ZNF26: variants seen among roughly 807,000 people sequenced by gnomAD.
ZNF26 encodes the protein epididymis luminal protein 179.
In ZNF26, 32 loss-of-function variants were observed where a neutral mutation model predicts 54.9. The observed-to-expected ratio is 0.58, with a 90% confidence interval of 0.44 to 0.78. The LOEUF is 0.78. ZNF26 is among the 30% of genes least tolerant of loss of function. The pLI, the probability that ZNF26 is intolerant of heterozygous loss-of-function variation, is 0.00. For missense variants in ZNF26, 524 were observed against 634.0 expected (o/e 0.83, Z 1.86); for synonymous variants, 221 against 209.2 (o/e 1.06, Z -0.49).
chr12:133,002,810 G>A (rs1469846897), intron 1 of ZNF26, among the ~76,000 whole-genome samples: 2 of 151,804 alleles, frequency 1.3e-5, no homozygotes, highest in Non-Finnish European at 2.9e-5. Context: ...TTTTAATAGA[G>A]ACAGAGTCTC....
chr12:132,998,728 T>C (rs1953146169), intron 1 of ZNF26, among the ~76,000 whole-genome samples: 2 of 152,198 alleles, frequency 1.3e-5, no homozygotes, highest in African/African-American at 4.8e-5. Context: ...AAATCCAACC[T>C]AAATTTCTCA....
chr12:132,988,730 G>A (rs1952881858), intron 1 of ZNF26, among the ~76,000 whole-genome samples: 1 of 152,188 alleles, frequency 6.6e-6, no homozygotes, highest in Non-Finnish European at 1.5e-5. Context: ...AAGAGCTGAA[G>A]TCTTGAATAT....
rs950467722 is a variant in ZNF26 at position 133,022,071 on chromosome 12, T to G, written c.*10590T>G. 27 of 151,636 alleles carry G rather than the reference T, an allele frequency of 1.8e-4. No homozygotes were observed. Among genetic ancestry groups the G allele is most frequent in the African/African-American group, 6.5e-4 (27 of 41,380 alleles). 9.4% of individuals were successfully genotyped at this position (151,636 alleles called of 1,614,324 possible). ...CCCTGTTTACCAAAAATACAAAAAT[T>G]AGCCAGGGTGGTGACGTGCACCTGT... is the stretch of plus-strand genomic sequence containing the variant. On this transcript the variant is annotated 3_prime_UTR_variant, in exon 4 of 4. Transcript: ENST00000328654.
At chr12:132,988,941 T>C (rs1400194941) in intron 1 of ZNF26, among the ~76,000 whole-genome samples, 2 of 152,042 alleles carry the variant, frequency 1.3e-5, no homozygotes, top group Admixed American at 1.3e-4. Context: ...CTTACACCTG[T>C]GTACAGGAAA....
rs1183300344 is a variant in ZNF26 at position 133,025,260 on chromosome 12, C to T, written c.*13779C>T. 1 of 152,180 alleles carries T rather than the reference C, an allele frequency of 6.6e-6. No homozygotes were observed. The highest frequency in any genetic ancestry group is 2.4e-5 in the African/African-American group (1 of 41,436). The allele number at this position is 152,180 out of a possible 1,614,324, so 9.4% of individuals were successfully genotyped here. A position where few individuals can be genotyped will look rare whatever the true frequency, so the allele number is the denominator to read the frequency against. ...TCTGTGTCTGCCCCACTGTTACGTT[C>T]TGGGTGTGTAAGATGAAAATAACTT... On this transcript the variant is annotated 3_prime_UTR_variant, in exon 4 of 4. Transcript: ENST00000328654.
intron 1 of ZNF26, among the ~76,000 whole-genome samples, chr12:133,003,777 C>G (rs889421697): frequency 3.2e-4 from 49 of 152,272 alleles, no homozygotes; most frequent in African/African-American, 7.2e-5. Flanking sequence ...GAAAAGCCAT[C>G]TAGCATAGAA....
chr12:132,989,005 T>C (rs911324910), intron 1 of ZNF26, among the ~76,000 whole-genome samples: 1 of 151,232 alleles, frequency 6.6e-6, no homozygotes, highest in Non-Finnish European at 1.5e-5. Flanking sequence ...TATAATCATG[T>C]AGTTCCAGGA....
chr12:132,986,815 G>T lies in ZNF26; in HGVS notation c.-26G>T. 5 of 1,597,498 alleles carry T rather than the reference G, an allele frequency of 3.1e-6. No homozygotes were observed. The highest frequency in any genetic ancestry group is 4.3e-6 in the Non-Finnish European group (5 of 1,172,018). On this transcript the variant is annotated 5_prime_UTR_variant, in exon 1 of 4. In the 5' UTR this introduces an upstream ATG that the reference lacks. Transcript: ENST00000328654. ...GCAGCCCGCGGGTCCTGCCCCCGCA[G>T]GCAGCGCGCGAACGTGGGCGTGGGG... is the stretch of plus-strand genomic sequence containing the variant.
chr12:133,023,392 T>G lies in ZNF26; in HGVS notation c.*11911T>G, dbSNP rs1046112743. ...TTGATTATCATTATGTAAGCAGTATTAGAGAATTTTTAAAATATAGATTAC... is the reference window on the plus strand; with the variant it reads ...TTGATTATCATTATGTAAGCAGTATGAGAGAATTTTTAAAATATAGATTAC... On this transcript the variant is annotated 3_prime_UTR_variant, in exon 4 of 4. Coordinates refer to ENST00000328654, the MANE Select transcript of ZNF26 (RefSeq NM_019591.4). The G allele has an allele frequency of 2.6e-5, 4 of 152,354 alleles. No homozygotes were observed. The highest frequency in any genetic ancestry group is 2.6e-4 in the Admixed American group (4 of 15,308). 9.4% of individuals were successfully genotyped at this position (152,354 alleles called of 1,614,324 possible).
At position 133,018,553 on chromosome 12, in the gene ZNF26, TAAGAC is replaced by T. The variant is rs1423226541; in HGVS notation, c.*7075_*7079del. The T allele has an allele frequency of 1.3e-5, 2 of 152,156 alleles. No individual in the cohort carries two copies. The highest frequency in any genetic ancestry group is 2.9e-5 in the Non-Finnish European group (2 of 68,026). 9.4% of individuals were successfully genotyped at this position (152,156 alleles called of 1,614,324 possible). A position where few individuals can be genotyped will look rare whatever the true frequency, so the allele number is the denominator to read the frequency against. On this transcript the variant is annotated 3_prime_UTR_variant, in exon 4 of 4. Coordinates refer to ENST00000328654, the MANE Select transcript of ZNF26 (RefSeq NM_019591.4). ...AATATTACATTACAAAATATGCACT[TAAGAC>T]AAAAGTGAAGGAGAAATAGATGAAC...
Position 133,016,913 on chromosome 12 carries a change from C to T in ZNF26, c.*5432C>T, listed in dbSNP as rs1953574818. On this transcript the variant is annotated 3_prime_UTR_variant, in exon 4 of 4. Transcript: ENST00000328654. ...ATTGAGTTGCCCTTTTCCAATTTTA[C>T]ATGCTTAGGTTGACTTCTCAATAGC... 6.6e-6 allele frequency: 1 copy of T among 152,046 alleles called. No individual in the cohort carries two copies. The highest frequency in any genetic ancestry group is 1.5e-5 in the Non-Finnish European group (1 of 68,010). 9.4% of individuals were successfully genotyped at this position (152,046 alleles called of 1,614,324 possible). A position where few individuals can be genotyped will look rare whatever the true frequency, so the allele number is the denominator to read the frequency against.
Position 133,010,151 on chromosome 12 carries a change from G to A in ZNF26, c.272G>A (p.Trp91Ter). 1 of 1,582,302 alleles carries A rather than the reference G, an allele frequency of 6.3e-7. No homozygotes were observed. The highest frequency in any genetic ancestry group is 8.5e-7 in the Non-Finnish European group (1 of 1,170,650). The change falls in exon 4 of 4, where the codon TGG becomes TAG. Residue 91 changes from tryptophan to a stop codon, truncating the protein, a stop_gained. Transcript: ENST00000328654. LOFTEE classifies it high-confidence loss of function. ...RQSCPDGWEE[W>*]YQNNQDELES... ...TTTTTTGTAGATGGCTGGGAAGAAT[G>A]GTACCAGAACAATCAAGATGAGCTT...
rs1953697337 is a variant in ZNF26 at position 133,025,957 on chromosome 12, TCA to T, written c.*14483_*14484del. On this transcript the variant is annotated 3_prime_UTR_variant, in exon 4 of 4. Transcript: ENST00000328654. ...CTGCAGTAAGAAAGCCCAAACTAGCTCACACACAGACTACATCAAGAGTGAGA... is the reference window on the plus strand; with the variant it reads ...CTGCAGTAAGAAAGCCCAAACTAGCTCACACAGACTACATCAAGAGTGAGA... 6.6e-6 allele frequency: 1 copy of T among 152,552 alleles called. No homozygotes were observed. The highest frequency in any genetic ancestry group is 6.5e-5 in the Admixed American group (1 of 15,276). 9.4% of individuals were successfully genotyped at this position (152,552 alleles called of 1,614,324 possible). A position where few individuals can be genotyped will look rare whatever the true frequency, so the allele number is the denominator to read the frequency against.
rs1169141231 is a variant in ZNF26, at chr12:133,016,780, C to CA, written c.*5314dup. On this transcript the variant is annotated 3_prime_UTR_variant, in exon 4 of 4. Transcript: ENST00000328654. ...TGGGTGACAGAGCAAGACCTTGACT[C>CA]AAAAAAAAAAAAAAATTCTACTCTC... 0.033 allele frequency: 4,156 copies of CA among 127,770 alleles called. 163 individuals carry two copies. Among genetic ancestry groups the CA allele is most frequent in the African/African-American group, 0.099 (3,472 of 35,154 alleles). 7.9% of individuals were successfully genotyped at this position (127,770 alleles called of 1,614,324 possible).
At position 133,024,177 on chromosome 12, in the gene ZNF26, G is replaced by T. The variant is rs956487954; in HGVS notation, c.*12696G>T. ...GGGGTTCTACTTACATGCATCACTGGCCTTGGCACTGGATGATGAGCAGAA... is the reference window on the plus strand; with the variant it reads ...GGGGTTCTACTTACATGCATCACTGTCCTTGGCACTGGATGATGAGCAGAA... On this transcript the variant is annotated 3_prime_UTR_variant, in exon 4 of 4. Transcript: ENST00000328654. 2.0e-5 allele frequency: 3 copies of T among 152,232 alleles called. No homozygotes were observed. The highest frequency in any genetic ancestry group is 4.4e-5 in the Non-Finnish European group (3 of 68,054). 9.4% of individuals were successfully genotyped at this position (152,232 alleles called of 1,614,324 possible).
rs1487874781 is a variant in ZNF26, at chr12:133,019,188, T to C, written c.*7707T>C. 2 of 152,058 alleles carry C rather than the reference T, an allele frequency of 1.3e-5. No individual in the cohort carries two copies. The highest frequency in any genetic ancestry group is 1.3e-4 in the Admixed American group (2 of 15,264). The allele number at this position is 152,058 out of a possible 1,614,324, so 9.4% of individuals were successfully genotyped here. ...AGATGTAACAATTATAAATAGACAA[T>C]TGGGATTACATCAAGCTGGGAAGCT... is the stretch of plus-strand genomic sequence containing the variant. On this transcript the variant is annotated 3_prime_UTR_variant, in exon 4 of 4. Coordinates refer to ENST00000328654, the MANE Select transcript of ZNF26 (RefSeq NM_019591.4).
Position 133,019,497 on chromosome 12 carries a change from G to A in ZNF26, c.*8016G>A, listed in dbSNP as rs1953610848. On this transcript the variant is annotated 3_prime_UTR_variant, in exon 4 of 4. Coordinates refer to ENST00000328654, the MANE Select transcript of ZNF26 (RefSeq NM_019591.4). ...CAATATCACCACTTATCAGAGAAAT[G>A]CAAATTAACCACAATCAGATATCAT... The A allele has an allele frequency of 6.6e-6, 1 of 152,144 alleles. No homozygotes were observed. The highest frequency in any genetic ancestry group is 1.5e-5 in the Non-Finnish European group (1 of 68,032). The allele number at this position is 152,144 out of a possible 1,614,324, so 9.4% of individuals were successfully genotyped here. A position where few individuals can be genotyped will look rare whatever the true frequency, so the allele number is the denominator to read the frequency against.
At position 133,011,673 on chromosome 12, in the gene ZNF26, A is replaced by G; in HGVS notation, c.*192A>G. On this transcript the variant is annotated 3_prime_UTR_variant, in exon 4 of 4. Transcript: ENST00000328654. ...AAATCTTTGTAGATGAAAATAATGGAAGGAATGTGGAGCAATAAATGTATC... is the reference window on the plus strand; with the variant it reads ...AAATCTTTGTAGATGAAAATAATGGGAGGAATGTGGAGCAATAAATGTATC... The G allele has an allele frequency of 2.2e-6, 1 of 459,272 alleles. No individual in the cohort carries two copies. Among genetic ancestry groups the G allele is most frequent in the Non-Finnish European group, 3.7e-6 (1 of 269,976 alleles). 28.4% of individuals were successfully genotyped at this position (459,272 alleles called of 1,614,324 possible). A position where few individuals can be genotyped will look rare whatever the true frequency, so the allele number is the denominator to read the frequency against.
chr12:133,007,453 G>A lies in ZNF26; in HGVS notation c.177G>A (p.Lys59=). 1 of 1,613,700 alleles carries A rather than the reference G, an allele frequency of 6.2e-7. No individual in the cohort carries two copies. The highest frequency in any genetic ancestry group is 8.5e-7 in the Non-Finnish European group (1 of 1,179,728). ...NLISVGYHGT[K]PDLIFKLEQG... ...CATCAACAGGGTATCATGGTACCAA[G>A]CCTGACTTAATCTTCAAGTTGGAAC... Residue 59 remains lysine, a synonymous_variant, in exon 3 of 4, where the codon AAG becomes AAA. Coordinates refer to ENST00000328654, the MANE Select transcript of ZNF26 (RefSeq NM_019591.4).
Sources: gnomAD v4.1 joint callset for allele counts (sites outside exome capture counted in the v4.1 genomes callset) on GRCh38, gnomAD v4.1.1 for gene constraint, MANE v1.5 for transcripts, NCBI Gene and HGNC (gene_info 2026-07-23, HGNC 2026-07-21) for gene names.